The following DFFB variants were observed in gnomAD, a reference collection of about 807,000 sequenced individuals.
DFFB encodes the protein DNA fragmentation factor subunit beta, also known as DNA fragmentation factor 40 kDa subunit.
In DFFB, 29 loss-of-function variants were observed where a neutral mutation model predicts 32.7. That is an observed-to-expected ratio of 0.89 (90% CI 0.66 to 1.21). The LOEUF (loss-of-function observed/expected upper bound fraction) is 1.21. Ranked by LOEUF, DFFB falls within the 50% of genes most tolerant of loss-of-function variation. The pLI, the probability that DFFB is intolerant of heterozygous loss-of-function variation, is 0.00. For synonymous variants in DFFB, 170 were observed against 177.1 expected (o/e 0.96, Z 0.32); for missense variants, 398 against 440.6 (o/e 0.90, Z 0.87).
chr1:3,868,087 G>A lies in DFFB; in HGVS notation c.510+34G>A. The A allele has an allele frequency of 5.0e-6, 8 of 1,600,008 alleles. No individual in the cohort carries two copies. In the South Asian group the frequency reaches 6.6e-5, roughly 13 times the overall value. On this transcript the variant is annotated intron_variant, in intron 4 of 6. Transcript: ENST00000378209. ...GAGTGAAGACCGGGTATGCTGGGCG[G>A]GTTTTTGAAGCCAGGCTCTGTGGGC...
rs765727236 is a variant in DFFB at position 3,865,622 on chromosome 1, G to C, written c.242-190G>C. On this transcript the variant is annotated intron_variant, in intron 2 of 6. Transcript: ENST00000378209. This position sits in a 1 kb window ranked among gnomAD's most constrained non-coding sequence, Gnocchi z 4.7. ...CCCCTCCCTCCTCTGTCCTCATGCC[G>C]CCCTTGTGCGTGGTCCCCAGCTGTT... The C allele has an allele frequency of 1.2e-6, 1 of 814,592 alleles. No homozygotes were observed. Among genetic ancestry groups the C allele is most frequent in the Non-Finnish European group, 2.1e-6 (1 of 470,616 alleles). 50.5% of individuals were successfully genotyped at this position (814,592 alleles called of 1,614,324 possible).
At chr1:3,878,761 C>T (rs749719451) in intron 6 of DFFB, among the ~76,000 whole-genome samples, 24 of 152,184 alleles carry the variant, frequency 1.6e-4, no homozygotes, top group Non-Finnish European at 2.9e-4. Flanking sequence ...TTATTTTAAT[C>T]CTGCACAAAA....
chr1:3,863,371 G>T (rs1167399882), intron 2 of DFFB, among the ~76,000 whole-genome samples: 1 of 152,174 alleles, frequency 6.6e-6, no homozygotes, highest in Non-Finnish European at 1.5e-5. Flanking sequence ...CAACCAGTGT[G>T]GGCGAGGATG....
rs751514475 is a variant in DFFB at position 3,866,412 on chromosome 1, C to T, written c.430+412C>T. The T allele has an allele frequency of 8.6e-4, 210 of 243,168 alleles. 1 individual carries two copies. Among genetic ancestry groups the T allele is most frequent in the African/African-American group, 2.5e-3 (106 of 42,232 alleles). 15.1% of individuals were successfully genotyped at this position (243,168 alleles called of 1,614,324 possible). A position where few individuals can be genotyped will look rare whatever the true frequency, so the allele number is the denominator to read the frequency against. On this transcript the variant is annotated intron_variant, in intron 3 of 6. Transcript: ENST00000378209. ...CTGGGATTACAGGCAAGTGCAACCA[C>T]GCCCTGCCAATTTTTGTATTTTTAG... is the stretch of plus-strand genomic sequence containing the variant.
Position 3,880,375 on chromosome 1 carries a change from A to G in DFFB, c.783-3132A>G, listed in dbSNP as rs543670245. Among the ~76,000 whole-genome samples the G allele has an allele frequency of 2.1e-4, 32 of 152,350 alleles. 1 individual carries two copies. The highest frequency in any genetic ancestry group is 2.0e-3 in the Admixed American group (31 of 15,310). Reference sequence around the variant, plus strand: ...CCTTGGCTGATTTTCATCTGCAGCTATAAGAAACGATAACCTTGAGTCCAA... The same window carrying G: ...CCTTGGCTGATTTTCATCTGCAGCTGTAAGAAACGATAACCTTGAGTCCAA... On this transcript the variant is annotated intron_variant, in intron 6 of 6. Coordinates refer to ENST00000378209, the MANE Select transcript of DFFB (RefSeq NM_004402.4).
intron 2 of DFFB, among the ~76,000 whole-genome samples, chr1:3,860,160 T>C (rs1644852298): frequency 1.3e-5 from 2 of 152,192 alleles, no homozygotes; most frequent in African/African-American, 4.8e-5. Flanking sequence ...ACTCCTGGGC[T>C]CAAGAAGTCC....
At chr1:3,874,873 G>A (rs1443789913) in intron 6 of DFFB, among the ~76,000 whole-genome samples, 4 of 151,636 alleles carry the variant, frequency 2.6e-5, no homozygotes, top group South Asian at 2.1e-4. Flanking sequence ...GTGCACATAC[G>A]TGGCCTCCCA....
chr1:3,858,873 G>A (rs750433279), intron 2 of DFFB, 29 bp downstream of exon 2: 6 of 1,610,124 alleles, frequency 3.7e-6, no homozygotes, highest in African/African-American at 1.3e-5. Flanking sequence ...GGAGGTGGGC[G>A]GGAAGCTGGC....
chr1:3,860,271 G>A (rs1367427686), intron 2 of DFFB: 1 of 177,588 alleles, frequency 5.6e-6, no homozygotes, highest in Non-Finnish European at 1.2e-5. Flanking sequence ...TTGTTGCCCA[G>A]GCTGGAGTGC....
chr1:3,869,741 G>T lies in DFFB; in HGVS notation c.647G>T (p.Arg216Leu), dbSNP rs1473529051. ...GACAGAGGAGCCAAGGGCGGCAGCCGCCTCTGCACACCGGAAGGCTGGTTC... is the reference window on the plus strand; with the variant it reads ...GACAGAGGAGCCAAGGGCGGCAGCCTCCTCTGCACACCGGAAGGCTGGTTC... The part of the protein sequence containing the change: ...YFDRGAKGGS[R>L]LCTPEGWFSC... The change falls in exon 5 of 7, where the codon CGC becomes CTC. Residue 216 changes from arginine (R) to leucine (L), a missense_variant. By Grantham distance (102) the Arg-to-Leu change is moderately radical. Transcript: ENST00000378209. 1.9e-6 allele frequency: 3 copies of T among 1,610,214 alleles called. No homozygotes were observed. Among genetic ancestry groups the T allele is most frequent in the Non-Finnish European group, 2.5e-6 (3 of 1,177,518 alleles).
intron 6 of DFFB, among the ~76,000 whole-genome samples, chr1:3,876,841 G>A (rs866038024): frequency 2.0e-5 from 3 of 152,238 alleles, no homozygotes; most frequent in African/African-American, 2.4e-5. Flanking sequence ...CTTCCCTCTC[G>A]GGCTGAAGGG....
intron 3 of DFFB, among the ~76,000 whole-genome samples, chr1:3,866,663 G>A (rs1349473683): frequency 2.0e-5 from 3 of 152,030 alleles, no homozygotes; most frequent in Non-Finnish European, 2.9e-5. Context: ...CATCCCCACC[G>A]TCATCTCCGG....
intron 6 of DFFB, 57 bp downstream of exon 6, chr1:3,872,629 C>T (rs1289830651): frequency 4.7e-6 from 7 of 1,483,650 alleles, no homozygotes; most frequent in East Asian, 2.3e-5. Context: ...CTGTCCCTGC[C>T]GTGGCCCTGT....
intron 2 of DFFB, among the ~76,000 whole-genome samples, chr1:3,859,437 A>G (rs1644836682): frequency 6.6e-6 from 1 of 152,154 alleles, no homozygotes; most frequent in Non-Finnish European, 1.5e-5. Context: ...CCCGTAAAAG[A>G]GAGCTTTTGG....
chr1:3,866,903 T>C (rs550959349), intron 3 of DFFB, among the ~76,000 whole-genome samples: 48 of 152,226 alleles, frequency 3.2e-4, no homozygotes, highest in African/African-American at 1.0e-3. Flanking sequence ...TCAAAAGTTC[T>C]TTCTTTTTTT....
rs1437556354 is a variant in DFFB, at chr1:3,864,112, A to G, written c.242-1700A>G. ...CTCCCGAGTAGCTGGGGTTACAGGC[A>G]TGCACCACTGCGCCCAGCTAATTTT... On this transcript the variant is annotated intron_variant, in intron 2 of 6. Coordinates refer to ENST00000378209, the MANE Select transcript of DFFB (RefSeq NM_004402.4). Among the ~76,000 whole-genome samples the G allele has an allele frequency of 2.6e-5, 4 of 151,994 alleles. No individual in the cohort carries two copies. The East Asian group carries it at 5.8e-4, about 22-fold the overall frequency.
intron 6 of DFFB, chr1:3,873,036 C>T: frequency 2.4e-6 from 3 of 1,239,472 alleles, no homozygotes; most frequent in Non-Finnish European, 3.2e-6. Flanking sequence ...GCTCTGTGGC[C>T]CAGGCTAAAG....
At chr1:3,877,035 C>T (rs549552362) in intron 6 of DFFB, among the ~76,000 whole-genome samples, 8 of 152,258 alleles carry the variant, frequency 5.3e-5, no homozygotes, top group African/African-American at 1.9e-4. Context: ...GCCTGGAAAG[C>T]TCCCCTTTCC....
intron 2 of DFFB, 156 bp downstream of exon 2, chr1:3,859,000 C>T (rs865939160): frequency 1.8e-6 from 2 of 1,104,060 alleles, no homozygotes; most frequent in East Asian, 2.7e-5. Flanking sequence ...AACTGGTCAG[C>T]GTCGCTTAGG....
Sources: gnomAD v4.1 joint callset for allele counts (sites outside exome capture counted in the v4.1 genomes callset) on GRCh38, gnomAD v4.1.1 for gene constraint, Gnocchi (gnomAD v3.1) non-coding constraint, MANE v1.5 for transcripts, NCBI Gene and HGNC (gene_info 2026-07-23, HGNC 2026-07-21) for gene names.